The following LPP variants were observed in gnomAD, a reference collection of about 807,000 sequenced individuals.
LPP encodes LIM domain containing preferred translocation partner in lipoma, also known as lipoma-preferred partner.
In LPP, 38 loss-of-function variants were observed where a neutral mutation model predicts 60.4. The ratio of observed to expected loss-of-function variants is 0.63; its 90% CI spans 0.49 to 0.83. The LOEUF (loss-of-function observed/expected upper bound fraction) is 0.83, where lower values mean the gene tolerates loss of function less well. Among genes scored for constraint, LPP ranks in the 40% least tolerant of loss-of-function variants. LPP has a pLI of 0.00. For synonymous variants in LPP, 328 were observed against 290.8 expected (o/e 1.13, Z -1.30); for missense variants, 902 against 783.6 (o/e 1.15, Z -1.80).
intron 7 of LPP, among the ~76,000 whole-genome samples, chr3:188,657,302 G>A (rs945270385): frequency 9.6e-5 from 7 of 73,158 alleles, no homozygotes; most frequent in African/African-American, 3.6e-4. Flanking sequence ...AGATAGTATA[G>A]TACATTTACT....
intron 1 of LPP, among the ~76,000 whole-genome samples, chr3:188,209,109 T>G (rs192039195): frequency 1.4e-4 from 21 of 152,278 alleles, no homozygotes; most frequent in Admixed American, 1.4e-3. Flanking sequence ...GTTAAAACAG[T>G]TAGTATGTAG....
chr3:188,311,732 G>A (rs1010169380), intron 2 of LPP, among the ~76,000 whole-genome samples: 3 of 151,706 alleles, frequency 2.0e-5, no homozygotes, highest in African/African-American at 7.3e-5. Flanking sequence ...TCCATGTCCC[G>A]AATTCAAGCG....
At chr3:188,504,416 A>G (rs1464329597) in intron 5 of LPP, among the ~76,000 whole-genome samples, 1 of 152,128 alleles carries the variant, frequency 6.6e-6, no homozygotes, top group Admixed American at 6.5e-5. Flanking sequence ...ATCCCCCATC[A>G]GGTCTTTTTT....
intron 7 of LPP, among the ~76,000 whole-genome samples, chr3:188,624,798 C>CCTTCCTTCCTTA (rs1846496412): frequency 6.8e-6 from 1 of 146,796 alleles, no homozygotes; most frequent in Non-Finnish European, 1.5e-5. Context: ...TTCCTTCCTT[C>CCTTCCTTCCTTA]CTTCCTTCCT....
At chr3:188,485,168 A>C (rs1019754555) in intron 5 of LPP, among the ~76,000 whole-genome samples, 1 of 152,174 alleles carries the variant, frequency 6.6e-6, no homozygotes, top group Admixed American at 6.5e-5. Context: ...AGCAACATCA[A>C]ATATCCTTAG....
rs541955314 is a variant in LPP, at chr3:188,712,950, C to A, written c.1240+4557C>A. ...TTATAGTTCTTGTTTCTTTGCGGAGCCCCTCATCACTCTTAACAGTTTTAT... is the reference window on the plus strand; with the variant it reads ...TTATAGTTCTTGTTTCTTTGCGGAGACCCTCATCACTCTTAACAGTTTTAT... On this transcript the variant is annotated intron_variant, in intron 8 of 11. Coordinates refer to ENST00000617246, the MANE Select transcript of LPP (RefSeq NM_001375462.1). 14 of 152,046 alleles carry A rather than the reference C, an allele frequency of 9.2e-5. No individual in the cohort carries two copies. In the South Asian group the frequency reaches 2.9e-3, roughly 32 times the overall value. 9.4% of individuals were successfully genotyped at this position (152,046 alleles called of 1,614,324 possible). A position where few individuals can be genotyped will look rare whatever the true frequency, so the allele number is the denominator to read the frequency against.
Position 188,661,468 on chromosome 3 carries a change from G to A in LPP, c.1114-46799G>A, listed in dbSNP as rs1245114729. 6.6e-5 allele frequency among the ~76,000 whole-genome samples: 10 copies of A among 152,234 alleles called. No individual in the cohort carries two copies. The East Asian group carries it at 1.4e-3, about 21-fold the overall frequency. On this transcript the variant is annotated intron_variant, in intron 7 of 11. Transcript: ENST00000617246. The stretch of plus-strand genomic sequence containing the variant: ...TTGCGGTCCCACCTGCAATGAATGC[G>A]TGTTCCTGTTGCTACAACATTGTGG...
At chr3:188,462,547 TA>T (rs1799257132) in intron 4 of LPP, among the ~76,000 whole-genome samples, 1 of 11,788 alleles carries the variant, frequency 8.5e-5, no homozygotes, top group Non-Finnish European at 2.1e-4. Flanking sequence ...ATGAGCTTTA[TA>T]TATATATATA....
At position 188,714,203 on chromosome 3, in the gene LPP, G is replaced by A. The variant is rs543240770; in HGVS notation, c.1240+5810G>A. 2.6e-5 allele frequency among the ~76,000 whole-genome samples: 4 copies of A among 152,250 alleles called. No homozygotes were observed. The South Asian group carries it at 8.3e-4, about 32-fold the overall frequency. On this transcript the variant is annotated intron_variant, in intron 8 of 11. Coordinates refer to ENST00000617246, the MANE Select transcript of LPP (RefSeq NM_001375462.1). ...CATAATACATTACCATTACAGAAAG[G>A]TATATAAATGCTGTTCCTGCTGAAT...
intron 6 of LPP, among the ~76,000 whole-genome samples, chr3:188,553,105 A>G (rs1344925468): frequency 6.6e-6 from 1 of 152,232 alleles, no homozygotes; most frequent in East Asian, 1.9e-4. Flanking sequence ...TATTTAATCT[A>G]TAATGATGTC....
chr3:188,239,461 C>T (rs1474645340), intron 2 of LPP, among the ~76,000 whole-genome samples: 1 of 152,308 alleles, frequency 6.6e-6, no homozygotes, highest in Admixed American at 6.5e-5. Context: ...GCAAATCAGT[C>T]TTTTCTGTGC....
At chr3:188,707,852 C>T (rs529563910) in intron 7 of LPP, among the ~76,000 whole-genome samples, 43 of 152,260 alleles carry the variant, frequency 2.8e-4, no homozygotes, top group African/African-American at 1.0e-3. Context: ...GAGGTCCCAC[C>T]TTATACCCTT....
intron 7 of LPP, among the ~76,000 whole-genome samples, chr3:188,696,231 C>T (rs911391190): frequency 5.9e-5 from 9 of 152,150 alleles, no homozygotes; most frequent in African/African-American, 1.9e-4. Context: ...TACTCTCTCT[C>T]TCTCTCTCTC....
chr3:188,829,570 A>C (rs1408967601), intron 9 of LPP, among the ~76,000 whole-genome samples: 2 of 152,198 alleles, frequency 1.3e-5, no homozygotes, highest in Non-Finnish European at 2.9e-5. Context: ...GTGAGGTACA[A>C]ACTTCAGATA....
At chr3:188,156,853 C>T (rs192880486) in intron 1 of LPP, among the ~76,000 whole-genome samples, 14,607 of 151,082 alleles carry the variant, frequency 0.097, 1,095 homozygotes, top group East Asian at 0.32. Flanking sequence ...TGCGCCCCAC[C>T]CCCCCAAGAA....
At chr3:188,413,227 C>T (rs185317278) in intron 4 of LPP, among the ~76,000 whole-genome samples, 17 of 152,260 alleles carry the variant, frequency 1.1e-4, no homozygotes, top group Non-Finnish European at 1.8e-4. Context: ...TTGCTGCGAA[C>T]GTATGGTCCT....
intron 9 of LPP, among the ~76,000 whole-genome samples, chr3:188,791,087 T>C (rs1220836162): frequency 6.6e-6 from 1 of 152,126 alleles, no homozygotes. Context: ...TGGCTTTTCT[T>C]GTATCTTGCA....
At chr3:188,843,945 A>G (rs1362192117) in intron 9 of LPP, among the ~76,000 whole-genome samples, 2 of 152,074 alleles carry the variant, frequency 1.3e-5, no homozygotes, top group African/African-American at 2.4e-5. Flanking sequence ...TTGCTTTTCT[A>G]GAATTGAAGC....
intron 2 of LPP, among the ~76,000 whole-genome samples, chr3:188,314,828 A>T (rs1181196423): frequency 2.6e-5 from 4 of 152,148 alleles, no homozygotes; most frequent in Non-Finnish European, 4.4e-5. Context: ...AAAATAAACA[A>T]ACAAACAAAC....
Sources: allele counts gnomAD v4.1 joint callset (sites outside exome capture counted in the v4.1 genomes callset), GRCh38; gene constraint gnomAD v4.1.1; transcripts MANE v1.5; gene names NCBI Gene and HGNC (gene_info 2026-07-23, HGNC 2026-07-21).